SPECC1: variants seen among roughly 807,000 people sequenced by gnomAD.
SPECC1 encodes the protein cytospin-B.
Under a neutral mutation model 104.1 loss-of-function variants are expected in SPECC1, and 62 were observed. That is an observed-to-expected ratio of 0.60 (90% CI 0.49 to 0.74). SPECC1 has a LOEUF of 0.74. Ranked by LOEUF, SPECC1 falls within the 30% of genes least tolerant of loss-of-function variation. The probability of loss-of-function intolerance (pLI) is 0.00; values close to 1 mark genes in which losing one functional copy is unlikely to be tolerated. For synonymous variants in SPECC1, 513 were observed against 501.6 expected, an observed-to-expected ratio of 1.02 and a Z score of -0.30; for missense variants, 1,306 against 1,310.5, an observed-to-expected ratio of 1.00 and a Z score of 0.05.
intron 3 of SPECC1, among the ~76,000 whole-genome samples, chr17:20,182,119 CT>C (rs57991209): frequency 4.4e-5 from 6 of 136,558 alleles, no homozygotes; most frequent in African/African-American, 5.6e-5. Flanking sequence ...CTTTCTTTTT[CT>C]TTTTTTTTTG....
intron 3 of SPECC1, among the ~76,000 whole-genome samples, chr17:20,172,865 A>AT (rs1367968749): frequency 6.6e-6 from 1 of 152,232 alleles, no homozygotes; most frequent in Non-Finnish European, 1.5e-5. Flanking sequence ...AGGCCTGATT[A>AT]TAAGTGGATG....
intron 3 of SPECC1, among the ~76,000 whole-genome samples, chr17:20,167,192 CAT>C (rs926777030): frequency 2.6e-4 from 38 of 147,232 alleles, no homozygotes; most frequent in African/African-American, 9.1e-4. Flanking sequence ...ATGTTAGCTA[CAT>C]ATATGTGTTT....
intron 7 of SPECC1, among the ~76,000 whole-genome samples, chr17:20,243,909 T>C (rs1392689235): frequency 6.6e-6 from 1 of 152,090 alleles, no homozygotes; most frequent in Non-Finnish European, 1.5e-5. Flanking sequence ...TGGTACTGAG[T>C]CATTTAAATG....
chr17:20,039,280 G>T (rs188887588), intron 1 of SPECC1, among the ~76,000 whole-genome samples: 30 of 152,266 alleles, frequency 2.0e-4, no homozygotes, highest in African/African-American at 7.2e-4. Flanking sequence ...TTGTTCAGTG[G>T]TGTTAAGTTC....
chr17:20,242,167 C>G (rs1461163225), intron 7 of SPECC1, among the ~76,000 whole-genome samples: 2 of 152,198 alleles, frequency 1.3e-5, no homozygotes, highest in African/African-American at 2.4e-5. Flanking sequence ...CAGGAGCTCA[C>G]CTGTTCCTGG....
At chr17:20,221,003 G>C (rs951401838) in intron 4 of SPECC1, among the ~76,000 whole-genome samples, 4 of 152,110 alleles carry the variant, frequency 2.6e-5, no homozygotes, top group African/African-American at 9.7e-5. Context: ...TGCATCCCTA[G>C]GATAAATCCC....
intron 3 of SPECC1, among the ~76,000 whole-genome samples, chr17:20,157,653 T>A (rs2032723850): frequency 6.6e-6 from 1 of 152,202 alleles, no homozygotes; most frequent in South Asian, 2.1e-4. Context: ...TTACAGCTTT[T>A]AAGACTGATT....
rs191313619 is a variant in SPECC1, at chr17:20,064,484, G to A, written c.-21-32147G>A. 6.6e-5 allele frequency among the ~76,000 whole-genome samples: 10 copies of A among 152,322 alleles called. 1 individual carries two copies. Among genetic ancestry groups the A allele is most frequent in the Admixed American group, 5.9e-4 (9 of 15,298 alleles). On this transcript the variant is annotated intron_variant, in intron 1 of 14. Transcript: ENST00000395527. ...CCTTATTGTATCCTCACACAGCCTG[G>A]GAGGGAAGCACAGTGTGGGTGGCAG... is the stretch of plus-strand genomic sequence containing the variant.
At chr17:20,233,343 C>T (rs957056689) in intron 7 of SPECC1, among the ~76,000 whole-genome samples, 2 of 152,122 alleles carry the variant, frequency 1.3e-5, no homozygotes, top group Non-Finnish European at 2.9e-5. Context: ...GTTTGGTTAT[C>T]ATGAATTTCA....
At chr17:20,212,938 A>C (rs909800259) in intron 4 of SPECC1, among the ~76,000 whole-genome samples, 2 of 152,206 alleles carry the variant, frequency 1.3e-5, no homozygotes, top group Non-Finnish European at 2.9e-5. Flanking sequence ...GAGCTTTTCC[A>C]TCATTTAATC....
At chr17:20,015,143 A>G (rs1007810466) in intron 1 of SPECC1, among the ~76,000 whole-genome samples, 2 of 152,132 alleles carry the variant, frequency 1.3e-5, no homozygotes, top group Non-Finnish European at 1.5e-5. Flanking sequence ...ACACATTTCT[A>G]TGGCACTGGA....
At chr17:20,105,322 T>A (rs1173852899) in intron 2 of SPECC1, among the ~76,000 whole-genome samples, 1 of 152,258 alleles carries the variant, frequency 6.6e-6, no homozygotes, top group Non-Finnish European at 1.5e-5. Context: ...CTTGGACTCC[T>A]GACCTCAAGT....
At chr17:20,040,734 T>C (rs2045290571) in intron 1 of SPECC1, among the ~76,000 whole-genome samples, 1 of 152,242 alleles carries the variant, frequency 6.6e-6, no homozygotes, top group African/African-American at 2.4e-5. Flanking sequence ...TTTCACTCAC[T>C]GCTTTCAAGA....
At chr17:20,289,889 A>G (rs1008415846) in intron 12 of SPECC1, among the ~76,000 whole-genome samples, 1 of 152,248 alleles carries the variant, frequency 6.6e-6, no homozygotes, top group Non-Finnish European at 1.5e-5. Flanking sequence ...TACCTCTGCC[A>G]ACGTCAGCAA....
At chr17:20,281,213 G>T (rs1326217015) in intron 12 of SPECC1, among the ~76,000 whole-genome samples, 1 of 152,196 alleles carries the variant, frequency 6.6e-6, no homozygotes, top group Non-Finnish European at 1.5e-5. Context: ...AACTGGTTTT[G>T]TTATACAGCG....
intron 2 of SPECC1, among the ~76,000 whole-genome samples, chr17:20,102,362 G>A (rs749965813): frequency 5.3e-5 from 8 of 152,216 alleles, no homozygotes; most frequent in Admixed American, 1.3e-4. Flanking sequence ...CGTGGAAGGT[G>A]CAGGGGAAAT....
At chr17:20,091,216 T>G (rs942961321) in intron 1 of SPECC1, among the ~76,000 whole-genome samples, 1 of 152,172 alleles carries the variant, frequency 6.6e-6, no homozygotes, top group African/African-American at 2.4e-5. Flanking sequence ...ATTGGGATGA[T>G]TTTTCATCTC....
intron 3 of SPECC1, among the ~76,000 whole-genome samples, chr17:20,168,549 A>G (rs951398719): frequency 6.6e-6 from 1 of 152,234 alleles, no homozygotes; most frequent in African/African-American, 2.4e-5. Flanking sequence ...AGTGGTGCCC[A>G]TACAAGACTG....
At chr17:20,260,051 T>G (rs531644466) in intron 11 of SPECC1, 141 bp from the exon 12 acceptor site, 1 of 528,806 alleles carries the variant, frequency 1.9e-6, no homozygotes, top group South Asian at 3.3e-5. Context: ...AATAGTAATG[T>G]GACTAATTCG....
Sources: gnomAD v4.1 joint callset for allele counts (sites outside exome capture counted in the v4.1 genomes callset) on GRCh38, gnomAD v4.1.1 for gene constraint, MANE v1.5 for transcripts, NCBI Gene and HGNC (gene_info 2026-07-23, HGNC 2026-07-21) for gene names.